The following SLC22A15 variants were observed in gnomAD, a reference collection of about 807,000 sequenced individuals.
SLC22A15 encodes the protein solute carrier family 22 member 15.
SLC22A15 carries 45 observed loss-of-function variants against 62.7 expected under a neutral mutation model. The observed-to-expected ratio is 0.72, with a 90% CI of 0.56 to 0.92. The LOEUF is 0.92. Among genes scored for constraint, SLC22A15 ranks in the 40% least tolerant of loss-of-function variants. The pLI, the probability that SLC22A15 is intolerant of heterozygous loss-of-function variation, is 0.00. For synonymous variants in SLC22A15, 264 were observed against 267.0 expected, an observed-to-expected ratio of 0.99 and a Z score of 0.11; for missense variants, 622 against 665.6, an observed-to-expected ratio of 0.93 and a Z score of 0.72.
chr1:116,029,190 A>C (rs1263334471), intron 5 of SLC22A15, among the ~76,000 whole-genome samples: 1 of 152,232 alleles, frequency 6.6e-6, no homozygotes, highest in African/African-American at 2.4e-5. Flanking sequence ...CAACATAAGA[A>C]GCCACATTAT....
At chr1:115,986,097 C>G (rs1216214073) in intron 1 of SLC22A15, among the ~76,000 whole-genome samples, 1 of 152,072 alleles carries the variant, frequency 6.6e-6, no homozygotes, top group African/African-American at 2.4e-5. Context: ...CCTGCCTTGG[C>G]TCCCTAAAAT....
At position 116,062,766 on chromosome 1, in the gene SLC22A15, A is replaced by C; in HGVS notation, c.1176A>C (p.Thr392=). The change falls in exon 9 of 12, where the codon ACA becomes ACC. Residue 392 remains threonine, a synonymous_variant. Coordinates refer to ENST00000369503, the MANE Select transcript of SLC22A15 (RefSeq NM_018420.3). The part of the protein sequence containing the change: ...IVMFLPEKKD[T]GVFAVVNSHS... ...CATTGCCCTTGTCCTCCTCAGACACAGGTGTGTTTGCAGTGGTGAACAGCC... is the reference window on the plus strand; with the variant it reads ...CATTGCCCTTGTCCTCCTCAGACACCGGTGTGTTTGCAGTGGTGAACAGCC... 1 of 1,613,840 alleles carries C rather than the reference A, an allele frequency of 6.2e-7. No homozygotes were observed. The highest frequency in any genetic ancestry group is 2.2e-5 in the East Asian group (1 of 44,866).
chr1:116,068,994 C>T lies in SLC22A15; in HGVS notation c.*1886C>T, dbSNP rs2101586115. The T allele has an allele frequency of 6.6e-6, 1 of 152,214 alleles. No individual in the cohort carries two copies. Among genetic ancestry groups the T allele is most frequent in the Non-Finnish European group, 1.5e-5 (1 of 68,024 alleles). 9.4% of individuals were successfully genotyped at this position (152,214 alleles called of 1,614,324 possible). ...TTTAGAAACGTATCACCCATACGTCCAACATCGAAAGAAAACCAGTGTTAT... is the reference window on the plus strand; with the variant it reads ...TTTAGAAACGTATCACCCATACGTCTAACATCGAAAGAAAACCAGTGTTAT... On this transcript the variant is annotated 3_prime_UTR_variant, in exon 12 of 12. Transcript: ENST00000369503.
chr1:116,067,096 G>A lies in SLC22A15; in HGVS notation c.1632G>A (p.Gln544=), dbSNP rs757083777. Residue 544 remains glutamine, a synonymous_variant, in exon 12 of 12, where the codon CAG becomes CAA. Coordinates refer to ENST00000369503, the MANE Select transcript of SLC22A15 (RefSeq NM_018420.3). ...EEFYDADEET[Q]MIK is the part of the protein sequence containing the mutation. Reference sequence around the variant, plus strand: ...TTTATGATGCAGATGAAGAGACTCAGATGATCAAGTGAAGAGCCCCAGATT... The same window carrying A: ...TTTATGATGCAGATGAAGAGACTCAAATGATCAAGTGAAGAGCCCCAGATT... The A allele has an allele frequency of 1.9e-6, 3 of 1,611,242 alleles. No individual in the cohort carries two copies. Among genetic ancestry groups the A allele is most frequent in the Non-Finnish European group, 2.5e-6 (3 of 1,178,750 alleles).
At chr1:116,043,795 T>C (rs1243828027) in intron 8 of SLC22A15, among the ~76,000 whole-genome samples, 1 of 152,144 alleles carries the variant, frequency 6.6e-6, no homozygotes, top group Non-Finnish European at 1.5e-5. Flanking sequence ...ATAGAACCTA[T>C]AGGCATTTAA....
rs1657586952 is a variant in SLC22A15 at position 116,035,170 on chromosome 1, T to G, written c.945-17T>G. 6.2e-7 allele frequency: 1 copy of G among 1,607,662 alleles called. No individual in the cohort carries two copies. The highest frequency in any genetic ancestry group is 1.7e-5 in the Admixed American group (1 of 59,030). On this transcript the variant is annotated splice_polypyrimidine_tract_variant and intron_variant, in intron 6 of 11. Coordinates refer to ENST00000369503, the MANE Select transcript of SLC22A15 (RefSeq NM_018420.3). ...TTCTTGTCTTTTACCTCCTGGTCCT[T>G]TGACTCCCAATTGCAGGTTTGTGTG...
chr1:116,062,142 G>A (rs975635716), intron 8 of SLC22A15, among the ~76,000 whole-genome samples: 2 of 152,192 alleles, frequency 1.3e-5, no homozygotes, highest in Non-Finnish European at 2.9e-5. Context: ...CCAGGAGGCG[G>A]AGGTTGCAGT....
At chr1:116,051,335 A>G (rs1366901990) in intron 8 of SLC22A15, among the ~76,000 whole-genome samples, 1 of 152,236 alleles carries the variant, frequency 6.6e-6, no homozygotes, top group East Asian at 1.9e-4. Flanking sequence ...CATAGTCACC[A>G]AAACAGCATG....
At chr1:116,047,790 A>G (rs1247212744) in intron 8 of SLC22A15, among the ~76,000 whole-genome samples, 2 of 152,212 alleles carry the variant, frequency 1.3e-5, no homozygotes, top group Non-Finnish European at 2.9e-5. Flanking sequence ...AAATTGAGGC[A>G]CCAGGAAAAG....
chr1:115,985,659 A>T (rs1397912542), intron 1 of SLC22A15, among the ~76,000 whole-genome samples: 1 of 152,028 alleles, frequency 6.6e-6, no homozygotes, highest in Non-Finnish European at 1.5e-5. Context: ...CTTGAAAAAG[A>T]GAGAGAAGGC....
At chr1:116,033,545 A>G (rs898951625) in intron 6 of SLC22A15, among the ~76,000 whole-genome samples, 2 of 132,568 alleles carry the variant, frequency 1.5e-5, no homozygotes, top group Admixed American at 7.9e-5. Context: ...CTTGATTTAA[A>G]TAGGGGTGTC....
chr1:116,022,365 G>A (rs748546929), intron 4 of SLC22A15, among the ~76,000 whole-genome samples: 4 of 151,530 alleles, frequency 2.6e-5, no homozygotes, highest in Non-Finnish European at 4.4e-5. Context: ...TGGTGATCAT[G>A]CCTGCTCCCT....
intron 2 of SLC22A15, among the ~76,000 whole-genome samples, chr1:115,998,749 C>A (rs2101125750): frequency 6.6e-6 from 1 of 151,804 alleles, no homozygotes; most frequent in Middle Eastern, 3.4e-3. Context: ...TTTTGTTGAT[C>A]TTGTGTACTT....
intron 1 of SLC22A15, among the ~76,000 whole-genome samples, chr1:115,978,069 C>G (rs1461981178): frequency 3.3e-5 from 5 of 152,102 alleles, no homozygotes; most frequent in African/African-American, 4.8e-5. Flanking sequence ...TATTTAATAC[C>G]GAGAAAGAAG....
rs1343639478 is a variant in SLC22A15 at position 116,002,325 on chromosome 1, C to T, written c.300+10082C>T. Among the ~76,000 whole-genome samples, 5 of 152,166 alleles carry T rather than the reference C, an allele frequency of 3.3e-5. No individual in the cohort carries two copies. The East Asian group carries it at 9.7e-4, about 29-fold the overall frequency. ...GCATAGTACCAGGTCCTGCCCAAGG[C>T]CTGTGACAACTATTTCCTGGCTATT... is the stretch of plus-strand genomic sequence containing the variant. On this transcript the variant is annotated intron_variant, in intron 2 of 11. Transcript: ENST00000369503.
chr1:116,063,456 G>T (rs1219901346), intron 9 of SLC22A15, among the ~76,000 whole-genome samples: 2 of 152,124 alleles, frequency 1.3e-5, no homozygotes, highest in Non-Finnish European at 2.9e-5. Flanking sequence ...TTGAAGGATG[G>T]GGGTGCAGCT....
At chr1:116,000,744 C>A (rs546516762) in intron 2 of SLC22A15, among the ~76,000 whole-genome samples, 1 of 150,444 alleles carries the variant, frequency 6.6e-6, no homozygotes, top group Non-Finnish European at 1.5e-5. Context: ...GATTCTCCTG[C>A]CTCAGGCTCC....
chr1:116,061,116 C>T (rs1271617140), intron 8 of SLC22A15, among the ~76,000 whole-genome samples: 1 of 152,128 alleles, frequency 6.6e-6, no homozygotes, highest in Admixed American at 6.6e-5. Context: ...ATTTAATGAG[C>T]ACCAGTGTAC....
At chr1:116,040,438 T>C (rs1557901988) in intron 8 of SLC22A15, among the ~76,000 whole-genome samples, 1 of 152,230 alleles carries the variant, frequency 6.6e-6, no homozygotes, top group African/African-American at 2.4e-5. Flanking sequence ...ATTCTCTTTA[T>C]ATGCAGAAGG....
Sources: allele counts gnomAD v4.1 joint callset (sites outside exome capture counted in the v4.1 genomes callset), GRCh38; gene constraint gnomAD v4.1.1; transcripts MANE v1.5; gene names NCBI Gene and HGNC (gene_info 2026-07-23, HGNC 2026-07-21).